TSNARE1: variants seen among roughly 807,000 people sequenced by gnomAD.
TSNARE1 encodes the protein t-SNARE domain containing 1.
A neutral mutation model predicts 62.0 loss-of-function variants in TSNARE1; 49 were observed. That is an observed-to-expected ratio of 0.79 (90% CI 0.63 to 1.00). The LOEUF (loss-of-function observed/expected upper bound fraction) is 1.00. TSNARE1 is among the 50% of genes least tolerant of loss of function. TSNARE1 has a pLI of 0.00. For missense variants in TSNARE1, 755 were observed against 700.1 expected (o/e 1.08, Z -0.88); for synonymous variants, 328 against 294.4 (o/e 1.11, Z -1.17).
chr8:142,249,241 G>A (rs1818034401), intron 12 of TSNARE1, among the ~76,000 whole-genome samples: 2 of 152,230 alleles, frequency 1.3e-5, no homozygotes, highest in African/African-American at 2.4e-5. Flanking sequence ...TCATCCGGAC[G>A]GGGTGAGGGC....
At chr8:142,328,905 G>A (rs1830633185) in intron 6 of TSNARE1, among the ~76,000 whole-genome samples, 1 of 152,084 alleles carries the variant, frequency 6.6e-6, no homozygotes, top group Non-Finnish European at 1.5e-5. Context: ...GGCCCCACCT[G>A]GTGAGGTTTT....
rs1009491927 is a variant in TSNARE1 at position 142,319,909 on chromosome 8, C to A, written c.894-1275G>T. ...GGGACAGGAGCTTTCTTCCCCGGGG[C>A]CTTGGTCAGGGCCGCCTCCTCCTGC... On this transcript the variant is annotated intron_variant, in intron 6 of 13. Coordinates refer to ENST00000524325, the MANE Select transcript of TSNARE1 (RefSeq NM_145003.5). The surrounding 1 kb of genome is among the most constrained non-coding windows in gnomAD (Gnocchi z 4.9). Among the ~76,000 whole-genome samples the A allele has an allele frequency of 5.3e-5, 8 of 152,294 alleles. No individual in the cohort carries two copies. Among genetic ancestry groups the A allele is most frequent in the South Asian group, 4.1e-4 (2 of 4,832 alleles).
intron 10 of TSNARE1, among the ~76,000 whole-genome samples, chr8:142,286,354 A>G (rs1347994398): frequency 2.0e-5 from 3 of 152,228 alleles, no homozygotes; most frequent in Admixed American, 2.0e-4. Flanking sequence ...GTTACAAGGG[A>G]ATTCATTTTC....
At chr8:142,258,527 G>C (rs55637681) in intron 12 of TSNARE1, among the ~76,000 whole-genome samples, 27,199 of 147,132 alleles carry the variant, frequency 0.18, 3,057 homozygotes, top group Middle Eastern at 0.32. Flanking sequence ...TGTTGCCCAG[G>C]CTGGAGTGCC....
chr8:142,275,394 C>T, intron 11 of TSNARE1: 1 of 985,306 alleles, frequency 1.0e-6, no homozygotes, highest in Non-Finnish European at 1.2e-6. Context: ...GTGCGGGGAT[C>T]ACGGGAGATG....
chr8:142,270,579 C>A, intron 12 of TSNARE1: 1 of 984,892 alleles, frequency 1.0e-6, no homozygotes, highest in South Asian at 4.7e-5. Flanking sequence ...GCCAGAACCA[C>A]GTAGGGCAGA....
At chr8:142,327,363 AG>A (rs1269180096) in intron 6 of TSNARE1, among the ~76,000 whole-genome samples, 1 of 151,614 alleles carries the variant, frequency 6.6e-6, no homozygotes, top group Non-Finnish European at 1.5e-5. Flanking sequence ...ACAGTGGGAG[AG>A]GGGCACAGCT....
chr8:142,296,781 A>G (rs1471018811), intron 10 of TSNARE1, among the ~76,000 whole-genome samples: 1 of 151,334 alleles, frequency 6.6e-6, no homozygotes, highest in Non-Finnish European at 1.5e-5. Context: ...AGGGGTCCTC[A>G]GGGTGGGTCT....
At chr8:142,239,766 GA>G (rs1248038646) in intron 12 of TSNARE1, among the ~76,000 whole-genome samples, 2 of 152,200 alleles carry the variant, frequency 1.3e-5, no homozygotes, top group African/African-American at 2.4e-5. Flanking sequence ...GGGTGTGTGG[GA>G]GAGAATGTCG....
chr8:142,396,505 G>A (rs1837906882), intron 1 of TSNARE1, among the ~76,000 whole-genome samples: 1 of 152,166 alleles, frequency 6.6e-6, no homozygotes, highest in South Asian at 2.1e-4. Flanking sequence ...TGGAAGGGAG[G>A]GACAGGATTA....
chr8:142,401,532 T>C (rs1838293896), intron 1 of TSNARE1, among the ~76,000 whole-genome samples: 2 of 152,084 alleles, frequency 1.3e-5, no homozygotes, highest in South Asian at 4.1e-4. Context: ...GGAAGAGACT[T>C]AGGGACACCT....
At chr8:142,379,217 G>A (rs1242745328) in intron 1 of TSNARE1, among the ~76,000 whole-genome samples, 1 of 152,216 alleles carries the variant, frequency 6.6e-6, no homozygotes, top group Non-Finnish European at 1.5e-5. Flanking sequence ...ATGCCTCAGC[G>A]GGCCGCTGCC....
chr8:142,233,681 C>T (rs922370659), intron 12 of TSNARE1, among the ~76,000 whole-genome samples: 1 of 152,198 alleles, frequency 6.6e-6, no homozygotes, highest in Non-Finnish European at 1.5e-5. Context: ...TGCTCTGCCT[C>T]TTGCCCCCAG....
chr8:142,405,236 T>C (rs1271862934), upstream of TSNARE1: 1 of 152,224 alleles, frequency 6.6e-6, no homozygotes, highest in Non-Finnish European at 1.5e-5. Flanking sequence ...TGCCTGGGCC[T>C]AGGGCCGGGG....
At chr8:142,245,215 C>T (rs539470884) in intron 12 of TSNARE1, among the ~76,000 whole-genome samples, 3 of 152,294 alleles carry the variant, frequency 2.0e-5, no homozygotes, top group Admixed American at 1.3e-4. Context: ...GAGAGGAGCT[C>T]GTCTACTGCT....
rs73714127 is a variant in TSNARE1, at chr8:142,331,508, C to T, written c.823+246G>A. Among the ~76,000 whole-genome samples, 29,810 of 151,806 alleles carry T rather than the reference C, an allele frequency of 0.2. 3,200 individuals carry two copies. Among genetic ancestry groups the T allele is most frequent in the South Asian group, 0.3 (1,450 of 4,818 alleles). ...AGGAGCAGCCAGCGGGAGCGGTACC[C>T]GGCCCTGACCCAGCCCTTGCTCCTT... On this transcript the variant is annotated intron_variant, in intron 5 of 13. Coordinates refer to ENST00000524325, the MANE Select transcript of TSNARE1 (RefSeq NM_145003.5).
At chr8:142,406,219 G>A (rs916938627), upstream of TSNARE1, 1 of 152,326 alleles carries the variant, frequency 6.6e-6, no homozygotes, top group Non-Finnish European at 1.5e-5. Context: ...GGCACCGTCA[G>A]ACTCATCACC....
chr8:142,398,102 C>CT (rs1812688576), intron 1 of TSNARE1, among the ~76,000 whole-genome samples: 1 of 152,098 alleles, frequency 6.6e-6, no homozygotes, highest in South Asian at 2.1e-4. Context: ...CTCCCGCTGC[C>CT]TGGAGTAGCT....
intron 10 of TSNARE1, among the ~76,000 whole-genome samples, chr8:142,299,696 ACACACACG>A (rs1451131595): frequency 6.6e-6 from 1 of 151,944 alleles, no homozygotes; most frequent in East Asian, 1.9e-4. Flanking sequence ...ACACGCATGC[ACACACACG>A]CACTCACGCA....
Sources: gnomAD v4.1 joint callset for allele counts (sites outside exome capture counted in the v4.1 genomes callset) on GRCh38, gnomAD v4.1.1 for gene constraint, Gnocchi (gnomAD v3.1) non-coding constraint, MANE v1.5 for transcripts, NCBI Gene and HGNC (gene_info 2026-07-23, HGNC 2026-07-21) for gene names.